DNAH6: variants seen among roughly 807,000 people sequenced by gnomAD.
DNAH6 encodes axonemal beta dynein heavy chain 6.
In DNAH6, 340 loss-of-function variants were observed where a neutral mutation model predicts 491.4. That is an observed-to-expected ratio of 0.69 (90% CI 0.63 to 0.76). The LOEUF (loss-of-function observed/expected upper bound fraction) is 0.76. Ranked by LOEUF, DNAH6 falls within the 30% of genes least tolerant of loss-of-function variation. DNAH6 has a pLI of 0.00. For synonymous variants in DNAH6, 1,603 were observed against 1,686.1 expected, an observed-to-expected ratio of 0.95 and a Z score of 1.21; for missense variants, 4,443 against 4,972.2, an observed-to-expected ratio of 0.89 and a Z score of 3.20.
chr2:84,541,906 A>T (rs1474166861), intron 4 of DNAH6, among the ~76,000 whole-genome samples: 1 of 152,240 alleles, frequency 6.6e-6, no homozygotes, highest in African/African-American at 2.4e-5. Context: ...CGATGGACTC[A>T]GAAATCTAGA....
At chr2:84,699,817 A>T in intron 48 of DNAH6, 83 bp downstream of exon 48, 8 of 1,336,452 alleles carry the variant, frequency 6.0e-6, no homozygotes, top group South Asian at 1.5e-5. Context: ...AGAGTAACTC[A>T]TGGGTACTTG....
intron 11 of DNAH6, among the ~76,000 whole-genome samples, chr2:84,571,699 G>A (rs1681893428): frequency 6.6e-6 from 1 of 151,442 alleles, no homozygotes; most frequent in Non-Finnish European, 1.5e-5. Context: ...GGATCACAAG[G>A]TCAGGAGTTC....
chr2:84,718,293 C>T lies in DNAH6; in HGVS notation c.9701C>T (p.Thr3234Ile). ...RINTDKNQLKTIEEKILRMLF... is the reference protein window; with the variant it reads ...RINTDKNQLKIIEEKILRMLF... ...AACACTGATAAAAACCAGTTGAAAA[C>T]TATCGAAGAGAAAATCCTGAGAATG... The change falls in exon 59 of 77, where the codon ACT (threonine) becomes ATT (isoleucine). Residue 3234 changes from threonine (T) to isoleucine (I), a missense_variant. Physicochemically the swap from Thr to Ile is moderately conservative, Grantham distance 89. Coordinates refer to ENST00000389394, the MANE Select transcript of DNAH6 (RefSeq NM_001370.2). The T allele has an allele frequency of 1.9e-6, 3 of 1,551,360 alleles. No homozygotes were observed. Among genetic ancestry groups the T allele is most frequent in the Non-Finnish European group, 2.6e-6 (3 of 1,146,874 alleles).
At chr2:84,493,449 G>A in the DNAH6 span, among the ~76,000 whole-genome samples, 27 of 152,220 alleles carry the variant, frequency 1.8e-4, no homozygotes, top group African/African-American at 6.3e-4. Context: ...TTATTTAAAT[G>A]TAGCTTCCAT....
At chr2:84,525,126 C>T (rs1024545441) in intron 2 of DNAH6, among the ~76,000 whole-genome samples, 2 of 151,906 alleles carry the variant, frequency 1.3e-5, no homozygotes, top group Non-Finnish European at 2.9e-5. Context: ...GTTGAATAGC[C>T]TAAGATAATG....
Position 84,688,441 on chromosome 2 carries a change from T to G in DNAH6, c.7140T>G (p.Phe2380Leu). 6.7e-7 allele frequency: 1 copy of G among 1,501,786 alleles called. No homozygotes were observed. Among genetic ancestry groups the G allele is most frequent in the South Asian group, 1.3e-5 (1 of 74,352 alleles). 93.0% of individuals were successfully genotyped at this position (1,501,786 alleles called of 1,614,324 possible). The change falls in exon 45 of 77, where the codon TTT (phenylalanine) becomes TTG (leucine). Residue 2380 changes from phenylalanine (F) to leucine (L), a missense_variant and splice_region_variant. Physicochemically the swap from Phe to Leu is conservative, Grantham distance 22 (BLOSUM62 0). Transcript: ENST00000389394. ...KPIIFGDFIK[F>L]GADKADRIYD... ...GGTTCTTCTCCCATAAATTATAGTTTGGAGCAGATAAAGCTGATCGGATTT... is the reference window on the plus strand; with the variant it reads ...GGTTCTTCTCCCATAAATTATAGTTGGGAGCAGATAAAGCTGATCGGATTT...
At chr2:84,631,373 G>A (rs982651511) in intron 29 of DNAH6, among the ~76,000 whole-genome samples, 2 of 152,102 alleles carry the variant, frequency 1.3e-5, no homozygotes, top group African/African-American at 4.8e-5. Context: ...ACTTGCCCCT[G>A]CTTCCTACCA....
intron 26 of DNAH6, among the ~76,000 whole-genome samples, chr2:84,623,443 A>G (rs945875970): frequency 2.0e-5 from 3 of 152,200 alleles, no homozygotes; most frequent in Admixed American, 6.5e-5. Context: ...GAAAAATAAA[A>G]CAACCTTATT....
intron 11 of DNAH6, among the ~76,000 whole-genome samples, chr2:84,560,574 G>A (rs2104615906): frequency 6.6e-6 from 1 of 150,896 alleles, no homozygotes; most frequent in South Asian, 2.1e-4. Context: ...TCGTCATTTA[G>A]CATTAGGTAT....
At chr2:84,783,169 T>A (rs566278142) in intron 65 of DNAH6, among the ~76,000 whole-genome samples, 4 of 152,270 alleles carry the variant, frequency 2.6e-5, no homozygotes, top group African/African-American at 9.6e-5. Context: ...ACCTCAGAAC[T>A]TGAAATCCTA....
At position 84,697,659 on chromosome 2, in the gene DNAH6, G is replaced by T; in HGVS notation, c.7609G>T (p.Glu2537Ter). The change falls in exon 47 of 77, where the codon GAG becomes TAG. Residue 2537 changes from glutamate (E) to a stop codon, truncating the protein, a stop_gained. Transcript: ENST00000389394. LOFTEE classifies it high-confidence loss of function. ...TAATTTATTTGAAAAGGATGAACTG[G>T]AGCAGGTTTTAGCGGCCACCAGACC... Reference protein sequence around the residue: ...VPNLFEKDELEQVLAATRPRA... With the variant: ...VPNLFEKDEL 1 of 1,551,966 alleles carries T rather than the reference G, an allele frequency of 6.4e-7. No homozygotes were observed. Among genetic ancestry groups the T allele is most frequent in the Non-Finnish European group, 8.7e-7 (1 of 1,147,056 alleles).
Position 84,808,402 on chromosome 2 carries a change from G to C in DNAH6, c.11612-13G>C, listed in dbSNP as rs1476865713. The C allele has an allele frequency of 2.0e-6, 3 of 1,523,012 alleles. No individual in the cohort carries two copies. Among genetic ancestry groups the C allele is most frequent in the Admixed American group, 4.4e-5 (2 of 45,700 alleles). 94.3% of individuals were successfully genotyped at this position (1,523,012 alleles called of 1,614,324 possible). On this transcript the variant is annotated splice_polypyrimidine_tract_variant and intron_variant, in intron 71 of 76. Coordinates refer to ENST00000389394, the MANE Select transcript of DNAH6 (RefSeq NM_001370.2). Reference sequence around the variant, plus strand: ...ATGGTGACTGGCCTGAGGAATCGCTGTGTATGTTTCAGAAAAACTGGAAAT... The same window carrying C: ...ATGGTGACTGGCCTGAGGAATCGCTCTGTATGTTTCAGAAAAACTGGAAAT...
At chr2:84,750,197 T>G (rs888178261) in intron 63 of DNAH6, among the ~76,000 whole-genome samples, 45 of 149,458 alleles carry the variant, frequency 3.0e-4, no homozygotes, top group Non-Finnish European at 5.5e-4. Flanking sequence ...TTGGTTTTTT[T>G]TTTTTTTTTT....
chr2:84,687,369 A>T (rs1303706633), intron 44 of DNAH6, among the ~76,000 whole-genome samples: 1 of 152,148 alleles, frequency 6.6e-6, no homozygotes. Flanking sequence ...AGGTTCCTGC[A>T]CAGAGGTACG....
At chr2:84,554,594 T>C (rs1679838807) in intron 10 of DNAH6, among the ~76,000 whole-genome samples, 1 of 152,236 alleles carries the variant, frequency 6.6e-6, no homozygotes, top group Non-Finnish European at 1.5e-5. Flanking sequence ...TCAGTTTCTG[T>C]GTTTATATGA....
chr2:84,747,045 C>A (rs1330935679), intron 63 of DNAH6, among the ~76,000 whole-genome samples: 1 of 152,164 alleles, frequency 6.6e-6, no homozygotes, highest in Non-Finnish European at 1.5e-5. Context: ...TCCCACTAAT[C>A]CCTACTTTCA....
chr2:84,545,652 A>G (rs1315156871), intron 5 of DNAH6, among the ~76,000 whole-genome samples: 1 of 152,176 alleles, frequency 6.6e-6, no homozygotes, highest in Non-Finnish European at 1.5e-5. Flanking sequence ...CCAGCAGACT[A>G]GAAAGCTCTC....
At chr2:84,666,829 T>C (rs1692177299) in intron 37 of DNAH6, among the ~76,000 whole-genome samples, 1 of 152,086 alleles carries the variant, frequency 6.6e-6, no homozygotes, top group African/African-American at 2.4e-5. Context: ...GGAGGCACCA[T>C]GCTACCTGAC....
chr2:84,517,617 A>T (rs796248694), intron 1 of DNAH6, among the ~76,000 whole-genome samples: 6 of 152,294 alleles, frequency 3.9e-5, no homozygotes, highest in African/African-American at 1.4e-4. Flanking sequence ...GGGGTTCTTG[A>T]AGCCTAGGCA....
Sources: allele counts gnomAD v4.1 joint callset (sites outside exome capture counted in the v4.1 genomes callset), GRCh38; gene constraint gnomAD v4.1.1; transcripts MANE v1.5; gene names NCBI Gene and HGNC (gene_info 2026-07-23, HGNC 2026-07-21).